CYP4B1: variants seen among roughly 807,000 people sequenced by gnomAD.
CYP4B1 encodes the protein cytochrome P450 4B1.
CYP4B1 carries 45 observed loss-of-function variants against 54.0 expected under a neutral mutation model. The observed-to-expected ratio is 0.83, with a 90% CI of 0.66 to 1.07. The LOEUF (loss-of-function observed/expected upper bound fraction) is 1.07, where lower values mean the gene tolerates loss of function less well. CYP4B1 is among the 50% of genes least tolerant of loss of function. CYP4B1 has a pLI of 0.00. For missense variants in CYP4B1, 656 were observed against 655.4 expected, an observed-to-expected ratio of 1.00 and a Z score of -0.01; for synonymous variants, 248 against 247.5, an observed-to-expected ratio of 1.00 and a Z score of -0.02.
intron 1 of CYP4B1, among the ~76,000 whole-genome samples, chr1:46,801,076 C>T (rs1275345734): frequency 1.3e-5 from 2 of 152,206 alleles, no homozygotes; most frequent in East Asian, 1.9e-4. Flanking sequence ...ATCCCTGTAC[C>T]CTCAGGGTCC....
At chr1:46,818,361 CA>C in intron 11 of CYP4B1, 148 bp downstream of exon 11, 1 of 804,018 alleles carries the variant, frequency 1.2e-6, no homozygotes, top group Non-Finnish European at 2.0e-6. Flanking sequence ...CTTCTTCTTG[CA>C]ATTATCATAT....
rs3066413 is a variant in CYP4B1 at position 46,816,581 on chromosome 1, G to GACACACACACAC, written c.1074-454_1074-443dup. Among the ~76,000 whole-genome samples the GACACACACACAC allele has an allele frequency of 3.2e-3, 463 of 146,700 alleles. 7 individuals are homozygous for GACACACACACAC. Among genetic ancestry groups the GACACACACACAC allele is most frequent in the African/African-American group, 0.011 (421 of 39,872 alleles). On this transcript the variant is annotated intron_variant, in intron 8 of 11. Transcript: ENST00000371923. Reference sequence around the variant, plus strand: ...AGCTTCCCGGTTGCCAAAGGGAAAAGACACACACACACACACACACACACT... The same window carrying GACACACACACAC: ...AGCTTCCCGGTTGCCAAAGGGAAAAGACACACACACACACACACACACACACACACACACACT...
At chr1:46,817,943 C>T (rs756065009) in intron 9 of CYP4B1, 22 bp from the exon 10 acceptor site, 1 of 1,613,632 alleles carries the variant, frequency 6.2e-7, no homozygotes, top group Admixed American at 1.7e-5. Flanking sequence ...TACCTGGTCA[C>T]CAACCTCTGT....
intron 1 of CYP4B1, among the ~76,000 whole-genome samples, chr1:46,804,463 G>T (rs866498648): frequency 4.0e-5 from 6 of 150,530 alleles, no homozygotes; most frequent in Middle Eastern, 6.8e-3. Context: ...TGAGAGACTT[G>T]AACAAATTTT....
At position 46,813,942 on chromosome 1, in the gene CYP4B1, T is replaced by A. The variant is rs747410215; in HGVS notation, c.654T>A (p.Asp218Glu). ...GCAGCTACTACCTTGCAGTCAGCGA[T>A]CTCACTCTGTTGATGCAGCAGCGCC... ...RDSSYYLAVS[D>E]LTLLMQQRLV... Residue 218 changes from aspartate (D) to glutamate (E), a missense_variant, in exon 6 of 12, where the codon GAT (aspartate) becomes GAA (glutamate). By Grantham distance (45) the Asp-to-Glu change is conservative. Transcript: ENST00000371923. 6.2e-7 allele frequency: 1 copy of A among 1,614,172 alleles called. No individual in the cohort carries two copies. Among genetic ancestry groups the A allele is most frequent in the Admixed American group, 1.7e-5 (1 of 60,028 alleles).
At chr1:46,812,391 C>A (rs1679142125) in intron 3 of CYP4B1, 105 bp from the exon 4 acceptor site, 1 of 1,392,138 alleles carries the variant, frequency 7.2e-7, no homozygotes, top group East Asian at 2.5e-5. Flanking sequence ...AGTGGCCCAC[C>A]CTTGGAGGGT....
At chr1:46,814,736 A>G in intron 7 of CYP4B1, 2 of 368,482 alleles carry the variant, frequency 5.4e-6, no homozygotes, top group South Asian at 7.2e-5. Flanking sequence ...TTCCTTCCAG[A>G]TGCTTACAGT....
Position 46,818,814 on chromosome 1 carries a change from G to A in CYP4B1, c.1539G>A (p.Ter513=), listed in dbSNP as rs575791456. ...CACTGGGCCCTGGGTCTGGGAAGTA[G>A]CTCTGATGAGAATGGGGTCCCAGAT... ...LKPLGPGSGK[*] The change falls in exon 12 of 12, where the codon TAG becomes TAA. Residue 513 remains the stop codon, a stop_retained_variant. Transcript: ENST00000371923. 1.2e-6 allele frequency: 2 copies of A among 1,614,074 alleles called. No homozygotes were observed. Among genetic ancestry groups the A allele is most frequent in the East Asian group, 4.5e-5 (2 of 44,872 alleles).
chr1:46,814,964 G>C (rs1679272708), intron 7 of CYP4B1, 110 bp from the exon 8 acceptor site: 1 of 929,028 alleles, frequency 1.1e-6, no homozygotes, highest in African/African-American at 1.6e-5. Flanking sequence ...CTCTGAAAAG[G>C]AGCTTTCACT....
rs45551731 is a variant in CYP4B1 at position 46,799,610 on chromosome 1, A to G, written c.180+349A>G. Among the ~76,000 whole-genome samples, 737 of 152,378 alleles carry G rather than the reference A, an allele frequency of 4.8e-3. 6 individuals are homozygous for G. The highest frequency in any genetic ancestry group is 0.017 in the African/African-American group (691 of 41,596). The stretch of plus-strand genomic sequence containing the variant: ...AAACCTCTGGATAGTACATAGAAGT[A>G]GGCAATCCATTGAAAGCTCAATCAG... On this transcript the variant is annotated intron_variant, in intron 1 of 11. Transcript: ENST00000371923.
chr1:46,814,237 C>G lies in CYP4B1; in HGVS notation c.804C>G (p.Ala268=), dbSNP rs370689909. 7.2e-5 allele frequency: 117 copies of G among 1,614,020 alleles called. 2 individuals are homozygous for G. Among genetic ancestry groups the G allele is most frequent in the East Asian group, 4.2e-4 (19 of 44,872 alleles). Residue 268 remains alanine (A), a synonymous_variant, in exon 7 of 12, where the codon GCC becomes GCG. Transcript: ENST00000371923. ...AGGTCATCAGGGAGCGGAAGGCAGC[C>G]CTGCAGGATGAGAAGGTGCGGAAGA... is the stretch of plus-strand genomic sequence containing the variant. ...TDQVIRERKA[A]LQDEKVRKKI... is the part of the protein sequence containing the mutation.
chr1:46,800,294 C>CTCCCTTCT (rs1204707531), intron 1 of CYP4B1, among the ~76,000 whole-genome samples: 1,958 of 80,820 alleles, frequency 0.024, 305 homozygotes, highest in Middle Eastern at 0.033. Flanking sequence ...TCCTTCCTTC[C>CTCCCTTCT]TTCCTTCTTT....
Position 46,812,567 on chromosome 1 carries a change from T to G in CYP4B1, c.439T>G (p.Tyr147Asp). 6.2e-7 allele frequency: 1 copy of G among 1,614,122 alleles called. No homozygotes were observed. Among genetic ancestry groups the G allele is most frequent in the Non-Finnish European group, 8.5e-7 (1 of 1,179,982 alleles). Residue 147 changes from tyrosine to aspartate, a missense_variant, in exon 4 of 12, where the codon TAT becomes GAT. Physicochemically the swap from Tyr to Asp is radical, Grantham distance 160. Coordinates refer to ENST00000371923, the MANE Select transcript of CYP4B1 (RefSeq NM_001099772.2). Reference protein sequence around the residue: ...HRKLLTPGFHYDVLKPYVAVF... With the variant: ...HRKLLTPGFHDDVLKPYVAVF... ...CAAGCTGCTCACACCTGGCTTTCAT[T>G]ATGATGTGCTGAAGCCCTATGTGGC...
chr1:46,804,160 A>C (rs1430481130), intron 1 of CYP4B1, among the ~76,000 whole-genome samples: 1 of 152,170 alleles, frequency 6.6e-6, no homozygotes, highest in Non-Finnish European at 1.5e-5. Flanking sequence ...TGGAGGAACA[A>C]AGAGTGGGTG....
At position 46,813,604 on chromosome 1, in the gene CYP4B1, C is replaced by T. The variant is rs901541876; in HGVS notation, c.618C>T (p.His206=). The change falls in exon 5 of 12, where the codon CAC becomes CAT. Residue 206 remains histidine, a splice_region_variant and synonymous_variant. Coordinates refer to ENST00000371923, the MANE Select transcript of CYP4B1 (RefSeq NM_001099772.2). ...GAAGAGGAGACACCGGCCTGGGCCA[C>T]AGGTCAGGAGCCACCTCGGGGCTGA... ...TFGRGDTGLG[H]SRDSSYYLAV... 10 of 1,613,778 alleles carry T rather than the reference C, an allele frequency of 6.2e-6. No homozygotes were observed. The highest frequency in any genetic ancestry group is 7.6e-6 in the Non-Finnish European group (9 of 1,180,032).
rs202136460 is a variant in CYP4B1, at chr1:46,814,177, C to T, written c.776-32C>T. 3.7e-6 allele frequency: 6 copies of T among 1,612,584 alleles called. No individual in the cohort carries two copies. The East Asian group carries it at 1.1e-4, about 30-fold the overall frequency. On this transcript the variant is annotated intron_variant, in intron 6 of 11. Transcript: ENST00000371923. ...TCCCCTTTGGACAAAAGATGGCTTC[C>T]CAGGCAGTGACACTCTGTGCTTTTG...
At chr1:46,813,396 C>A in intron 4 of CYP4B1, 86 bp from the exon 5 acceptor site, 3 of 1,544,638 alleles carry the variant, frequency 1.9e-6, no homozygotes, top group Non-Finnish European at 1.8e-6. Flanking sequence ...GGATAGGCTA[C>A]GGGTCCTGGA....
intron 1 of CYP4B1, among the ~76,000 whole-genome samples, chr1:46,802,791 G>A (rs1227275081): frequency 6.6e-6 from 1 of 152,102 alleles, no homozygotes; most frequent in African/African-American, 2.4e-5. Context: ...CCAATCTTTG[G>A]GCCTAGAGAA....
rs12059860 is a variant in CYP4B1, at chr1:46,819,251, T to C, written c.*437T>C. On this transcript the variant is annotated 3_prime_UTR_variant, in exon 12 of 12. Coordinates refer to ENST00000371923, the MANE Select transcript of CYP4B1 (RefSeq NM_001099772.2). The stretch of plus-strand genomic sequence containing the variant: ...GTGCCCCTTCACTGAGATGTGTTTC[T>C]TTGTTGAACTTTGTGTGTGTGTGTT... 6,004 of 159,584 alleles carry C rather than the reference T, an allele frequency of 0.038. 246 individuals carry two copies. Among genetic ancestry groups the C allele is most frequent in the African/African-American group, 0.099 (4,138 of 41,706 alleles). The allele number at this position is 159,584 out of a possible 1,614,324, so 9.9% of individuals were successfully genotyped here.
Sources: gnomAD v4.1 joint callset for allele counts (sites outside exome capture counted in the v4.1 genomes callset) on GRCh38, gnomAD v4.1.1 for gene constraint, MANE v1.5 for transcripts, NCBI Gene and HGNC (gene_info 2026-07-23, HGNC 2026-07-21) for gene names.